Variants in LMF1 observed in about 807,000 individuals in gnomAD.
LMF1 encodes lipase maturation factor 1.
In LMF1, 68 loss-of-function variants were observed where a neutral mutation model predicts 60.6. The ratio of observed to expected loss-of-function variants is 1.12; its 90% confidence interval spans 0.92 to 1.37. The LOEUF (loss-of-function observed/expected upper bound fraction) is 1.37. Among genes scored for constraint, LMF1 ranks in the 40% most tolerant of loss-of-function variants. The pLI, the probability that LMF1 is intolerant of heterozygous loss-of-function variation, is 0.00. For synonymous variants in LMF1, 418 were observed against 324.7 expected, an observed-to-expected ratio of 1.29 and a Z score of -3.09; for missense variants, 948 against 767.2, an observed-to-expected ratio of 1.24 and a Z score of -2.78.
At chr16:889,404 G>A (rs2070412136) in intron 5 of LMF1, among the ~76,000 whole-genome samples, 1 of 146,980 alleles carries the variant, frequency 6.8e-6, no homozygotes, top group South Asian at 2.1e-4. Context: ...GTGTGAGGCT[G>A]TGGATGGCCA....
intron 6 of LMF1, among the ~76,000 whole-genome samples, chr16:876,313 G>T (rs148031757): frequency 6.6e-6 from 1 of 152,268 alleles, no homozygotes; most frequent in Non-Finnish European, 1.5e-5. Flanking sequence ...AGGCAGTACC[G>T]TGGAGACGGA....
chr16:950,036 C>A (rs1293857884), intron 2 of LMF1, among the ~76,000 whole-genome samples: 4 of 129,086 alleles, frequency 3.1e-5, no homozygotes, highest in African/African-American at 1.4e-4. Flanking sequence ...CAGCCAACGA[C>A]AGAGTCAGAG....
chr16:981,458 C>T (rs868665547), upstream of LMF1: 14 of 274,868 alleles, frequency 5.1e-5, no homozygotes, highest in Admixed American at 5.3e-4. Flanking sequence ...TCTCAGGAGC[C>T]GCGCGGCGCC....
chr16:948,123 G>A (rs2072295854), intron 2 of LMF1, among the ~76,000 whole-genome samples: 1 of 151,304 alleles, frequency 6.6e-6, no homozygotes, highest in Non-Finnish European at 1.5e-5. Flanking sequence ...ACGACAGTCA[G>A]CCAACGACAA....
intron 2 of LMF1, chr16:947,758 C>G (rs1293097673): frequency 7.5e-5 from 27 of 358,066 alleles, no homozygotes; most frequent in Non-Finnish European, 1.2e-4. Flanking sequence ...ACAGTCAGAG[C>G]CAACGAGAGA....
At chr16:967,447 A>C (rs1260343721) in intron 1 of LMF1, among the ~76,000 whole-genome samples, 1 of 152,090 alleles carries the variant, frequency 6.6e-6, no homozygotes, top group Non-Finnish European at 1.5e-5. Context: ...CGGTTTCCTT[A>C]TTGCGCACAC....
intron 3 of LMF1, among the ~76,000 whole-genome samples, chr16:915,077 C>G (rs990414012): frequency 1.3e-5 from 2 of 152,226 alleles, no homozygotes; most frequent in African/African-American, 4.8e-5. Flanking sequence ...ATCTCGTGCT[C>G]GCTTCCTAGA....
chr16:914,773 CCCTT>C (rs1352592482), intron 3 of LMF1, among the ~76,000 whole-genome samples: 8 of 109,288 alleles, frequency 7.3e-5, no homozygotes, highest in South Asian at 3.5e-4. Context: ...CTCCCTCCCT[CCCTT>C]CCCATGACCA....
chr16:965,934 C>CTAG (rs200943825), intron 1 of LMF1, among the ~76,000 whole-genome samples: 4,481 of 152,174 alleles, frequency 0.029, 83 homozygotes, highest in South Asian at 0.11. Flanking sequence ...AAGTCCTCTC[C>CTAG]CTGACTGCAA....
rs976005856 is a variant in LMF1, at chr16:892,620, C to T, written c.729+387G>A. On this transcript the variant is annotated intron_variant, in intron 5 of 10. Transcript: ENST00000262301. The stretch of plus-strand genomic sequence containing the variant: ...CCAGGTAACGATGGAGCCACAGTTC[C>T]GTGTGGCAGGGGCTGGGCACGCAGC... Among the ~76,000 whole-genome samples, 5 of 152,238 alleles carry T rather than the reference C, an allele frequency of 3.3e-5. No homozygotes were observed. The East Asian group carries it at 5.8e-4, about 18-fold the overall frequency.
At chr16:932,300 C>T (rs1017815734) in intron 3 of LMF1, among the ~76,000 whole-genome samples, 3 of 152,242 alleles carry the variant, frequency 2.0e-5, no homozygotes, top group African/African-American at 4.8e-5. Context: ...TGCTGAGACA[C>T]GGCAGCACCG....
At chr16:947,965 G>A (rs78565903) in intron 2 of LMF1, among the ~76,000 whole-genome samples, 75 of 62,248 alleles carry the variant, frequency 1.2e-3, no homozygotes, top group Admixed American at 4.3e-3. Flanking sequence ...CAGAGCCAAC[G>A]ACAGAGTCAG....
chr16:959,392 C>T (rs1371382609), intron 1 of LMF1, among the ~76,000 whole-genome samples: 4 of 152,140 alleles, frequency 2.6e-5, no homozygotes, highest in African/African-American at 4.8e-5. Flanking sequence ...GAGACAGACC[C>T]GGGCGTGCCA....
chr16:856,112 A>T, intron 10 of LMF1: 4 of 333,934 alleles, frequency 1.2e-5, no homozygotes, highest in Non-Finnish European at 1.8e-5. Flanking sequence ...CCTTTGGAAA[A>T]CCTCCCGGGC....
chr16:865,695 G>T (rs1041733043), intron 10 of LMF1, among the ~76,000 whole-genome samples: 12 of 152,170 alleles, frequency 7.9e-5, no homozygotes, highest in African/African-American at 2.4e-4. Context: ...CCAAATTTGG[G>T]AAGTTTTCAG....
chr16:870,501 G>T (rs2069750916), intron 8 of LMF1, among the ~76,000 whole-genome samples: 1 of 152,216 alleles, frequency 6.6e-6, no homozygotes, highest in South Asian at 2.1e-4. Context: ...CCACCTGCCT[G>T]GTGACCTCGG....
intron 2 of LMF1, among the ~76,000 whole-genome samples, chr16:943,361 A>C (rs1597043471): frequency 8.4e-6 from 1 of 119,610 alleles, no homozygotes; most frequent in South Asian, 3.2e-4. Flanking sequence ...ACAGAGCGAG[A>C]CTCCATCTCA....
At chr16:932,704 G>C (rs1567267243) in intron 3 of LMF1, among the ~76,000 whole-genome samples, 2 of 152,184 alleles carry the variant, frequency 1.3e-5, no homozygotes, top group Non-Finnish European at 2.9e-5. Flanking sequence ...ATAGGCATAA[G>C]CCACTGCACC....
intron 2 of LMF1, among the ~76,000 whole-genome samples, chr16:941,836 T>C (rs2072107887): frequency 6.6e-6 from 1 of 152,254 alleles, no homozygotes; most frequent in Non-Finnish European, 1.5e-5. Context: ...GAGCCAGTGA[T>C]GTTACAGATT....
Sources: gnomAD v4.1 joint callset for allele counts (sites outside exome capture counted in the v4.1 genomes callset) on GRCh38, gnomAD v4.1.1 for gene constraint, MANE v1.5 for transcripts, NCBI Gene and HGNC (gene_info 2026-07-23, HGNC 2026-07-21) for gene names.